RANBP2: variants seen among roughly 807,000 people sequenced by gnomAD.
RANBP2 encodes the protein RAN binding protein 2.
RANBP2 carries 57 observed loss-of-function variants against 303.6 expected under a neutral mutation model. That is an observed-to-expected ratio of 0.19 (90% CI 0.15 to 0.23). RANBP2 has a LOEUF of 0.23. RANBP2 is among the 10% of genes least tolerant of loss of function. The pLI is 1.00. For missense variants in RANBP2, 3,138 were observed against 3,780.8 expected, an observed-to-expected ratio of 0.83 and a Z score of 4.46; for synonymous variants, 1,167 against 1,301.5, an observed-to-expected ratio of 0.90 and a Z score of 2.23.
the RANBP2 span, among the ~76,000 whole-genome samples, chr2:109,020,323 A>G: frequency 6.6e-6 from 1 of 152,224 alleles, no homozygotes; most frequent in Non-Finnish European, 1.5e-5. Context: ...GCACCTTATG[A>G]TAACCCTTCT....
the RANBP2 span, among the ~76,000 whole-genome samples, chr2:109,628,451 G>A: frequency 5.3e-5 from 8 of 151,658 alleles, no homozygotes; most frequent in African/African-American, 9.7e-5. Context: ...TGGAGATCGC[G>A]CCACTGCACT....
chr2:109,420,255 C>G, the RANBP2 span, among the ~76,000 whole-genome samples: 10 of 152,106 alleles, frequency 6.6e-5, no homozygotes, highest in Non-Finnish European at 1.2e-4. Flanking sequence ...AATTAGACTC[C>G]CTTTTGCTCT....
At chr2:108,975,462 G>A in the RANBP2 span, among the ~76,000 whole-genome samples, 4 of 152,146 alleles carry the variant, frequency 2.6e-5, no homozygotes, top group Admixed American at 6.5e-5. Context: ...CAAGACCTGC[G>A]TCTACTTTAA....
the RANBP2 span, among the ~76,000 whole-genome samples, chr2:109,451,610 A>G: frequency 6.6e-6 from 1 of 152,258 alleles, no homozygotes; most frequent in Non-Finnish European, 1.5e-5. Context: ...AATGAACACC[A>G]GCTGAGTCTG....
At chr2:109,466,230 G>T in the RANBP2 span, among the ~76,000 whole-genome samples, 1 of 151,766 alleles carries the variant, frequency 6.6e-6, no homozygotes, top group East Asian at 1.9e-4. Context: ...CTACAGGCGC[G>T]TGCCACCACA....
At chr2:109,128,961 G>A in the RANBP2 span, 62 of 419,122 alleles carry the variant, frequency 1.5e-4, 1 homozygote, top group African/African-American at 1.1e-3. Context: ...CAGTGACCGT[G>A]ACCTCCGCGC....
At chr2:109,404,346 C>G in the RANBP2 span, among the ~76,000 whole-genome samples, 1 of 152,154 alleles carries the variant, frequency 6.6e-6, no homozygotes, top group African/African-American at 2.4e-5. Flanking sequence ...AAGGTGAGCT[C>G]GAGGCCTGGC....
At chr2:109,394,612 AT>A in the RANBP2 span, among the ~76,000 whole-genome samples, 2 of 152,214 alleles carry the variant, frequency 1.3e-5, no homozygotes, top group African/African-American at 4.8e-5. Context: ...TTCTCTTTCC[AT>A]TAAAAAACAT....
At chr2:108,807,090 G>A in the RANBP2 span, among the ~76,000 whole-genome samples, 1 of 152,080 alleles carries the variant, frequency 6.6e-6, no homozygotes, top group South Asian at 2.1e-4. Context: ...AAATTAATAA[G>A]CATGTCAAAA....
the RANBP2 span, among the ~76,000 whole-genome samples, chr2:109,492,102 G>A: frequency 1.3e-5 from 2 of 152,208 alleles, no homozygotes; most frequent in Non-Finnish European, 1.5e-5. Context: ...CCTTCACGGT[G>A]GAAGCGTGGC....
the RANBP2 span, among the ~76,000 whole-genome samples, chr2:109,119,400 C>T: frequency 6.6e-6 from 1 of 152,208 alleles, no homozygotes; most frequent in African/African-American, 2.4e-5. Context: ...CTAAAATACA[C>T]ATGAGTATTA....
At chr2:109,041,179 G>A in the RANBP2 span, among the ~76,000 whole-genome samples, 128,094 of 152,272 alleles carry the variant, frequency 0.84, 56,594 homozygotes, top group Non-Finnish European at 0.97. Context: ...ATCCAGCAAC[G>A]TTGCTAAACA....
At chr2:109,107,594 AG>A in the RANBP2 span, among the ~76,000 whole-genome samples, 2 of 152,284 alleles carry the variant, frequency 1.3e-5, no homozygotes, top group African/African-American at 4.8e-5. Flanking sequence ...ACTCCTTTAT[AG>A]GGTTTGCTTT....
the RANBP2 span, among the ~76,000 whole-genome samples, chr2:109,588,495 T>C: frequency 1.3e-5 from 2 of 152,168 alleles, no homozygotes; most frequent in East Asian, 1.9e-4. Context: ...AAGTGTTATA[T>C]ATACAAATTT....
chr2:109,501,413 CA>C, the RANBP2 span: 1 of 600,240 alleles, frequency 1.7e-6, no homozygotes, highest in Admixed American at 2.5e-5. Context: ...CAGCAAATAA[CA>C]ATAATTTACA....
At chr2:109,627,146 G>T in the RANBP2 span, among the ~76,000 whole-genome samples, 1 of 152,114 alleles carries the variant, frequency 6.6e-6, no homozygotes, top group Non-Finnish European at 1.5e-5. Flanking sequence ...ACTCCAGCCT[G>T]GGCAATACAG....
the RANBP2 span, among the ~76,000 whole-genome samples, chr2:109,400,391 T>C: frequency 6.6e-6 from 1 of 152,056 alleles, no homozygotes; most frequent in Non-Finnish European, 1.5e-5. Context: ...CATATACACA[T>C]GCACGCACAT....
chr2:109,127,289 A>AGAGAGAGAGAGG, the RANBP2 span: 1 of 152,194 alleles, frequency 6.6e-6, no homozygotes, highest in African/African-American at 2.4e-5. Flanking sequence ...TGAGAGAGAG[A>AGAGAGAGAGAGG]GAGAGAGAGA....
intron 1 of RANBP2, among the ~76,000 whole-genome samples, chr2:108,723,307 A>T (rs826536): frequency 0.38 from 54,184 of 144,192 alleles, 13,384 homozygotes; most frequent in African/African-American, 0.71. Flanking sequence ...TGAGACGGAG[A>T]CTCGCTCTAT....
Sources: allele counts gnomAD v4.1 joint callset (sites outside exome capture counted in the v4.1 genomes callset), GRCh38; gene constraint gnomAD v4.1.1; transcripts MANE v1.5; gene names NCBI Gene and HGNC (gene_info 2026-07-23, HGNC 2026-07-21).